The following SYNDIG1 variants were observed in gnomAD, a reference collection of about 807,000 sequenced individuals.
The protein encoded by SYNDIG1 is synapse differentiation inducing 1.
Under a neutral mutation model 19.4 loss-of-function variants are expected in SYNDIG1, and 9 were observed. The observed-to-expected ratio is 0.46, with a 90% CI of 0.28 to 0.81. The LOEUF (loss-of-function observed/expected upper bound fraction) is 0.81, where lower values mean the gene tolerates loss of function less well. Among genes scored for constraint, SYNDIG1 ranks in the 30% least tolerant of loss-of-function variants. The probability of loss-of-function intolerance (pLI) is 0.12; values close to 1 mark genes in which losing one functional copy is unlikely to be tolerated. For synonymous variants in SYNDIG1, 141 were observed against 145.9 expected, an observed-to-expected ratio of 0.97 and a Z score of 0.24; for missense variants, 311 against 343.3, an observed-to-expected ratio of 0.91 and a Z score of 0.74.
At chr20:24,642,954 G>C (rs2059392525) in intron 3 of SYNDIG1, among the ~76,000 whole-genome samples, 1 of 151,982 alleles carries the variant, frequency 6.6e-6, no homozygotes, top group Non-Finnish European at 1.5e-5. Flanking sequence ...ATTACTGTTA[G>C]GTTAGTTGCA....
Position 24,606,243 on chromosome 20 carries a change from A to G in SYNDIG1, c.618+21250A>G, listed in dbSNP as rs879427045. 6.4e-4 allele frequency among the ~76,000 whole-genome samples: 97 copies of G among 152,262 alleles called. 1 individual carries two copies. Among genetic ancestry groups the G allele is most frequent in the Admixed American group, 6.1e-3 (93 of 15,290 alleles). Reference sequence around the variant, plus strand: ...GCTGGCCTCAGATGGCCTCAAGCCAAGTCTCAAAGCTCCACCTGTCAGGGG... The same window carrying G: ...GCTGGCCTCAGATGGCCTCAAGCCAGGTCTCAAAGCTCCACCTGTCAGGGG... On this transcript the variant is annotated intron_variant, in intron 3 of 3. Transcript: ENST00000376862.
intron 1 of SYNDIG1, among the ~76,000 whole-genome samples, chr20:24,499,257 T>C (rs1461971490): frequency 2.0e-5 from 3 of 152,138 alleles, no homozygotes; most frequent in African/African-American, 7.2e-5. Flanking sequence ...ACTCCTAACC[T>C]CAAGTGATCC....
intron 1 of SYNDIG1, among the ~76,000 whole-genome samples, chr20:24,474,598 T>A (rs2055563082): frequency 6.6e-6 from 1 of 152,242 alleles, no homozygotes; most frequent in African/African-American, 2.4e-5. Flanking sequence ...AACTTTTTGC[T>A]TGGTTTTTAG....
At chr20:24,517,190 C>T (rs1050629810) in intron 1 of SYNDIG1, among the ~76,000 whole-genome samples, 1 of 151,756 alleles carries the variant, frequency 6.6e-6, no homozygotes, top group Non-Finnish European at 1.5e-5. Flanking sequence ...TTAGGAGATA[C>T]ACCTAATGTA....
chr20:24,571,100 G>A (rs1160101952), intron 2 of SYNDIG1, among the ~76,000 whole-genome samples: 1 of 152,206 alleles, frequency 6.6e-6, no homozygotes, highest in African/African-American at 2.4e-5. Flanking sequence ...CAGCAGTGCA[G>A]TGATTGCAAG....
At position 24,627,587 on chromosome 20, in the gene SYNDIG1, G is replaced by A. The variant is rs550043380; in HGVS notation, c.619-37759G>A. Among the ~76,000 whole-genome samples the A allele has an allele frequency of 9.6e-4, 147 of 152,334 alleles. 1 individual carries two copies. The South Asian group carries it at 0.011, about 11-fold the overall frequency. Reference sequence around the variant, plus strand: ...TCCTGCACTTCAGAAAACATTCTCCGTAGTGCATCTTTCAAAGGCTAAAAG... The same window carrying A: ...TCCTGCACTTCAGAAAACATTCTCCATAGTGCATCTTTCAAAGGCTAAAAG... On this transcript the variant is annotated intron_variant, in intron 3 of 3. Transcript: ENST00000376862.
chr20:24,559,033 ATAT>A (rs2057882606), intron 2 of SYNDIG1, among the ~76,000 whole-genome samples: 1 of 152,232 alleles, frequency 6.6e-6, no homozygotes, highest in African/African-American at 2.4e-5. Flanking sequence ...ACCTGCTCTC[ATAT>A]GTTTATTGCA....
intron 2 of SYNDIG1, among the ~76,000 whole-genome samples, chr20:24,576,182 A>G (rs1005440316): frequency 6.6e-6 from 1 of 152,238 alleles, no homozygotes; most frequent in African/African-American, 2.4e-5. Context: ...ACAAAGGTAC[A>G]TATATCCTTG....
intron 1 of SYNDIG1, among the ~76,000 whole-genome samples, chr20:24,488,861 C>T (rs1464916991): frequency 6.6e-6 from 1 of 152,200 alleles, no homozygotes; most frequent in Non-Finnish European, 1.5e-5. Flanking sequence ...CCAGAGCATC[C>T]CCGGGCGCTC....
chr20:24,551,957 C>A (rs1426098539), intron 2 of SYNDIG1, among the ~76,000 whole-genome samples: 1 of 152,134 alleles, frequency 6.6e-6, no homozygotes, highest in East Asian at 1.9e-4. Context: ...TTCTGTCCTG[C>A]AAAGTGTTTT....
At chr20:24,616,620 G>A (rs996119424) in intron 3 of SYNDIG1, among the ~76,000 whole-genome samples, 1 of 152,248 alleles carries the variant, frequency 6.6e-6, no homozygotes, top group African/African-American at 2.4e-5. Flanking sequence ...CCCAGGAGAA[G>A]GCGCAAGGAG....
At chr20:24,560,991 C>A (rs1445872690) in intron 2 of SYNDIG1, among the ~76,000 whole-genome samples, 1 of 150,478 alleles carries the variant, frequency 6.6e-6, no homozygotes, top group Non-Finnish European at 1.5e-5. Flanking sequence ...GTCTCCTCAG[C>A]TTTGTCTTTT....
intron 2 of SYNDIG1, among the ~76,000 whole-genome samples, chr20:24,554,995 C>G (rs1473658364): frequency 6.6e-6 from 1 of 152,122 alleles, no homozygotes; most frequent in Non-Finnish European, 1.5e-5. Context: ...TGTTATTGGT[C>G]TATTCAGAGA....
At chr20:24,645,808 AT>A (rs2147351062) in intron 3 of SYNDIG1, among the ~76,000 whole-genome samples, 1 of 152,312 alleles carries the variant, frequency 6.6e-6, no homozygotes, top group African/African-American at 2.4e-5. Flanking sequence ...ATCATTTGAT[AT>A]CATCTCAACA....
intron 3 of SYNDIG1, among the ~76,000 whole-genome samples, chr20:24,596,318 T>G (rs1191083979): frequency 1.3e-5 from 2 of 152,204 alleles, no homozygotes; most frequent in Non-Finnish European, 2.9e-5. Context: ...TTTTAATGTG[T>G]ATTTATGTGT....
intron 1 of SYNDIG1, among the ~76,000 whole-genome samples, chr20:24,512,468 G>A (rs535464777): frequency 6.6e-6 from 1 of 152,022 alleles, no homozygotes; most frequent in Non-Finnish European, 1.5e-5. Context: ...AAGGGTCTTA[G>A]CAAACGGCAC....
At chr20:24,616,769 G>A (rs923783385) in intron 3 of SYNDIG1, among the ~76,000 whole-genome samples, 44 of 152,234 alleles carry the variant, frequency 2.9e-4, no homozygotes, top group Non-Finnish European at 6.0e-4. Context: ...TCACCTGCTA[G>A]CTTCGCTGTT....
chr20:24,482,213 GT>G (rs1317353501), intron 1 of SYNDIG1, among the ~76,000 whole-genome samples: 1 of 152,104 alleles, frequency 6.6e-6, no homozygotes, highest in Non-Finnish European at 1.5e-5. Flanking sequence ...TGTTGTTGTT[GT>G]TTTTTCTGAG....
intron 2 of SYNDIG1, among the ~76,000 whole-genome samples, chr20:24,548,718 C>T (rs897053895): frequency 5.9e-5 from 9 of 152,126 alleles, no homozygotes; most frequent in Non-Finnish European, 7.4e-5. Context: ...GTTTGTTTAC[C>T]TCATAGCACT....
Sources: gnomAD v4.1 joint callset for allele counts (sites outside exome capture counted in the v4.1 genomes callset) on GRCh38, gnomAD v4.1.1 for gene constraint, MANE v1.5 for transcripts, NCBI Gene and HGNC (gene_info 2026-07-23, HGNC 2026-07-21) for gene names.